The following TTC27 variants were observed in gnomAD, a reference collection of about 807,000 sequenced individuals.
The protein encoded by TTC27 is tetratricopeptide repeat domain 27.
In TTC27, 79 loss-of-function variants were observed where a neutral mutation model predicts 115.9. The observed-to-expected ratio is 0.68, with a 90% confidence interval of 0.57 to 0.82. TTC27 has a LOEUF of 0.82. Ranked by LOEUF, TTC27 falls within the 40% of genes least tolerant of loss-of-function variation. The probability of loss-of-function intolerance (pLI) is 0.00; values close to 1 mark genes in which losing one functional copy is unlikely to be tolerated. For synonymous variants in TTC27, 401 were observed against 356.0 expected, an observed-to-expected ratio of 1.13 and a Z score of -1.42; for missense variants, 1,054 against 993.1, an observed-to-expected ratio of 1.06 and a Z score of -0.82.
intron 12 of TTC27, among the ~76,000 whole-genome samples, chr2:32,750,254 A>T (rs1668963960): frequency 6.6e-6 from 1 of 152,162 alleles, no homozygotes; most frequent in East Asian, 1.9e-4. Flanking sequence ...CACACAGCAA[A>T]TGTCTCAGGG....
At chr2:32,733,144 G>T (rs945508178) in intron 10 of TTC27, among the ~76,000 whole-genome samples, 4 of 152,218 alleles carry the variant, frequency 2.6e-5, no homozygotes, top group African/African-American at 9.6e-5. Flanking sequence ...TGAGTTTGCA[G>T]TTGGCCCTGG....
At chr2:32,758,911 A>T (rs992040504) in intron 13 of TTC27, among the ~76,000 whole-genome samples, 12 of 152,240 alleles carry the variant, frequency 7.9e-5, no homozygotes, top group African/African-American at 2.9e-4. Flanking sequence ...AAAAACCTTT[A>T]TATAAATAGG....
intron 12 of TTC27, among the ~76,000 whole-genome samples, chr2:32,746,925 G>A (rs1348585011): frequency 6.6e-6 from 1 of 152,166 alleles, no homozygotes; most frequent in African/African-American, 2.4e-5. Flanking sequence ...GAAAGAAGAG[G>A]TATAAGATCT....
intron 5 of TTC27, among the ~76,000 whole-genome samples, chr2:32,663,783 G>A (rs543065429): frequency 6.6e-6 from 1 of 152,102 alleles, no homozygotes; most frequent in East Asian, 1.9e-4. Context: ...CTCTTGGGTT[G>A]AAGCGATTCT....
intron 7 of TTC27, among the ~76,000 whole-genome samples, chr2:32,671,151 C>T (rs888191931): frequency 6.6e-6 from 1 of 152,060 alleles, no homozygotes; most frequent in African/African-American, 2.4e-5. Flanking sequence ...TAATTAAGGA[C>T]TGACTGCCTT....
chr2:32,687,331 A>C (rs1337759837), intron 9 of TTC27, among the ~76,000 whole-genome samples: 2 of 152,256 alleles, frequency 1.3e-5, no homozygotes, highest in Non-Finnish European at 2.9e-5. Context: ...CATCTGGCTA[A>C]AAATCCAGTA....
At chr2:32,733,068 C>T (rs566426943) in intron 10 of TTC27, among the ~76,000 whole-genome samples, 106 of 152,314 alleles carry the variant, frequency 7.0e-4, no homozygotes, top group African/African-American at 1.8e-3. Flanking sequence ...TGTCTTCATT[C>T]GCTTTGATGC....
intron 9 of TTC27, among the ~76,000 whole-genome samples, chr2:32,695,588 G>A (rs1177189897): frequency 2.0e-5 from 3 of 151,932 alleles, no homozygotes; most frequent in African/African-American, 7.3e-5. Context: ...GCGTGGTGGT[G>A]CGTGCCTGCA....
At chr2:32,699,026 A>G (rs1209772154) in intron 9 of TTC27, among the ~76,000 whole-genome samples, 1 of 152,148 alleles carries the variant, frequency 6.6e-6, no homozygotes, top group Admixed American at 6.5e-5. Context: ...GTTAGTTTTC[A>G]TTTCTGTTTC....
chr2:32,694,447 G>A (rs911643716), intron 9 of TTC27, among the ~76,000 whole-genome samples: 6 of 152,074 alleles, frequency 3.9e-5, no homozygotes, highest in African/African-American at 1.4e-4. Flanking sequence ...GCTCATGCCT[G>A]TAATCCCGGC....
chr2:32,815,223 ATTTTTTT>A (rs533493768), intron 18 of TTC27, among the ~76,000 whole-genome samples: 94 of 55,500 alleles, frequency 1.7e-3, no homozygotes, highest in South Asian at 2.7e-3. Context: ...GCTGCTTCAG[ATTTTTTT>A]TTTTTTTTTT....
intron 10 of TTC27, among the ~76,000 whole-genome samples, chr2:32,731,689 A>C (rs2151914514): frequency 6.6e-6 from 1 of 152,260 alleles, no homozygotes; most frequent in South Asian, 2.1e-4. Flanking sequence ...GATCTTTATC[A>C]TGCATATGGC....
intron 19 of TTC27, among the ~76,000 whole-genome samples, chr2:32,819,770 G>C (rs1671618826): frequency 6.6e-6 from 1 of 152,132 alleles, no homozygotes; most frequent in African/African-American, 2.4e-5. Flanking sequence ...TCATGAGAGT[G>C]CTGGAGAGCC....
At chr2:32,688,606 T>G (rs1014611589) in intron 9 of TTC27, among the ~76,000 whole-genome samples, 1 of 152,204 alleles carries the variant, frequency 6.6e-6, no homozygotes, top group Middle Eastern at 3.4e-3. Context: ...GATAAAATAT[T>G]TGAACAGACA....
intron 5 of TTC27, among the ~76,000 whole-genome samples, chr2:32,658,997 G>C (rs1665434369): frequency 6.6e-6 from 1 of 152,068 alleles, no homozygotes; most frequent in Admixed American, 6.6e-5. Flanking sequence ...CAGGGTCTCA[G>C]TCTGTCACCT....
intron 7 of TTC27, among the ~76,000 whole-genome samples, chr2:32,668,366 A>C (rs568208083): frequency 6.6e-6 from 1 of 151,234 alleles, no homozygotes; most frequent in South Asian, 2.1e-4. Flanking sequence ...ACAAGAGCAA[A>C]ACTCCCTTTG....
intron 10 of TTC27, among the ~76,000 whole-genome samples, chr2:32,725,115 A>T (rs778535652): frequency 6.6e-6 from 1 of 152,178 alleles, no homozygotes; most frequent in Admixed American, 6.5e-5. Context: ...CTCCCACAAC[A>T]TGTGGGAATT....
intron 16 of TTC27, among the ~76,000 whole-genome samples, chr2:32,798,598 G>A (rs1230054127): frequency 2.0e-5 from 3 of 150,672 alleles, no homozygotes; most frequent in South Asian, 4.2e-4. Context: ...CTAGCTACTC[G>A]GGAGGCTGAG....
chr2:32,683,242 G>A (rs534245451), intron 9 of TTC27, among the ~76,000 whole-genome samples: 1 of 152,090 alleles, frequency 6.6e-6, no homozygotes, highest in Non-Finnish European at 1.5e-5. Context: ...CACCCACCCA[G>A]CCTCCCAAAG....
Sources: allele counts gnomAD v4.1 joint callset (sites outside exome capture counted in the v4.1 genomes callset), GRCh38; gene constraint gnomAD v4.1.1; transcripts MANE v1.5; gene names NCBI Gene and HGNC (gene_info 2026-07-23, HGNC 2026-07-21).